Variants in RFC3 observed in about 807,000 individuals in gnomAD.
RFC3 encodes A1 38 kDa subunit.
Under a neutral mutation model 45.1 loss-of-function variants are expected in RFC3, and 41 were observed. The observed-to-expected ratio is 0.91, with a 90% CI of 0.71 to 1.18. The LOEUF (loss-of-function observed/expected upper bound fraction) is 1.18. Among genes scored for constraint, RFC3 ranks in the 50% most tolerant of loss-of-function variants. The probability of loss-of-function intolerance (pLI) is 0.00; values close to 1 mark genes in which losing one functional copy is unlikely to be tolerated. For synonymous variants in RFC3, 149 were observed against 144.0 expected (o/e 1.03, Z -0.25); for missense variants, 423 against 428.1 (o/e 0.99, Z 0.10).
intron 8 of RFC3, among the ~76,000 whole-genome samples, chr13:33,887,741 C>G (rs2082535392): frequency 6.6e-6 from 1 of 151,974 alleles, no homozygotes. Context: ...AGGTTTTCTT[C>G]TAGGGTTTTT....
At chr13:33,895,482 A>G (rs2082591917) in intron 8 of RFC3, among the ~76,000 whole-genome samples, 1 of 152,190 alleles carries the variant, frequency 6.6e-6, no homozygotes, top group African/African-American at 2.4e-5. Context: ...AGAAAGTCAA[A>G]AAACAATAGA....
the RFC3 span, among the ~76,000 whole-genome samples, chr13:33,974,111 C>T: frequency 3.5e-4 from 54 of 152,240 alleles, no homozygotes; most frequent in African/African-American, 1.3e-3. Context: ...GAAGAAGACA[C>T]TGATTTTTGG....
downstream of RFC3, among the ~76,000 whole-genome samples, chr13:33,840,218 A>G (rs1251422424): frequency 6.6e-6 from 1 of 152,150 alleles, no homozygotes; most frequent in African/African-American, 2.4e-5. Flanking sequence ...CTCTAAGACT[A>G]ATTACATCGT....
intron 8 of RFC3, among the ~76,000 whole-genome samples, chr13:33,937,594 C>G (rs775490363): frequency 1.3e-5 from 2 of 152,126 alleles, no homozygotes; most frequent in Non-Finnish European, 2.9e-5. Context: ...TTTTCCTGTA[C>G]TTTTTTGCTC....
intron 3 of RFC3, among the ~76,000 whole-genome samples, chr13:33,825,340 C>T (rs895731195): frequency 6.6e-6 from 1 of 152,180 alleles, no homozygotes; most frequent in South Asian, 2.1e-4. Flanking sequence ...GCAGACTTCT[C>T]TTTGTTTGTT....
chr13:33,948,102 C>T (rs1035881320), intron 8 of RFC3, among the ~76,000 whole-genome samples: 2 of 152,178 alleles, frequency 1.3e-5, no homozygotes, highest in African/African-American at 4.8e-5. Flanking sequence ...CATGGCAGCC[C>T]CTTCCATCAC....
At chr13:33,976,176 T>G in the RFC3 span, among the ~76,000 whole-genome samples, 1 of 152,120 alleles carries the variant, frequency 6.6e-6, no homozygotes. Flanking sequence ...GAAATAAAAA[T>G]TCACAAACTC....
At chr13:33,900,530 A>ACT (rs1555239232) in intron 8 of RFC3, among the ~76,000 whole-genome samples, 1 of 143,442 alleles carries the variant, frequency 7.0e-6, no homozygotes, top group Admixed American at 6.8e-5. Context: ...TATAGAAAAA[A>ACT]AAACGTATTA....
At chr13:33,891,040 G>T (rs1050427796) in intron 8 of RFC3, among the ~76,000 whole-genome samples, 1 of 152,088 alleles carries the variant, frequency 6.6e-6, no homozygotes, top group Non-Finnish European at 1.5e-5. Flanking sequence ...GGTGAAAAAG[G>T]TTATAATTTC....
chr13:33,926,427 T>G (rs182115599), intron 8 of RFC3, among the ~76,000 whole-genome samples: 131 of 152,202 alleles, frequency 8.6e-4, no homozygotes, highest in African/African-American at 2.7e-3. Flanking sequence ...TCGGTTGTAA[T>G]TGGAAATCCA....
chr13:33,956,632 A>T (rs1272109619), intron 8 of RFC3, among the ~76,000 whole-genome samples: 1 of 152,218 alleles, frequency 6.6e-6, no homozygotes, highest in African/African-American at 2.4e-5. Flanking sequence ...GAACTTCTGT[A>T]TCAAGAACAC....
Position 33,950,047 on chromosome 13 carries a change from T to TTCTCCC in RFC3, c.880-16035_880-16030dup, listed in dbSNP as rs1555244665. On this transcript the variant is annotated intron_variant, in intron 8 of 8. Coordinates refer to the RFC3 transcript ENST00000434425. ...GTCTCTCTCTGCTTTCTCTCTCTCT[T>TTCTCCC]TCTCCCTCTCTCTCTCTCTCGCTCT... 2.2e-5 allele frequency among the ~76,000 whole-genome samples: 3 copies of TTCTCCC among 133,752 alleles called. No homozygotes were observed. In the East Asian group the frequency reaches 6.7e-4, roughly 30 times the overall value. The allele number at this position is 133,752 out of a possible 152,430, so 87.7% of individuals were successfully genotyped here. A position where few individuals can be genotyped will look rare whatever the true frequency, so the allele number is the denominator to read the frequency against.
intron 8 of RFC3, among the ~76,000 whole-genome samples, chr13:33,843,626 A>G (rs2082215999): frequency 6.6e-6 from 1 of 152,180 alleles, no homozygotes; most frequent in Non-Finnish European, 1.5e-5. Context: ...TAGATTCTTC[A>G]CAGGCATTCT....
At chr13:33,920,206 G>A (rs1034556530) in intron 8 of RFC3, among the ~76,000 whole-genome samples, 9 of 152,026 alleles carry the variant, frequency 5.9e-5, no homozygotes, top group Admixed American at 2.0e-4. Context: ...GCAATGTTCC[G>A]GGACAAGCCT....
At chr13:33,968,997 G>A (rs900886113), downstream of RFC3, among the ~76,000 whole-genome samples, 3 of 152,188 alleles carry the variant, frequency 2.0e-5, no homozygotes, top group East Asian at 3.9e-4. Context: ...TTCACCCACC[G>A]TACAAATTTT....
chr13:33,888,925 T>C (rs988137221), intron 8 of RFC3, among the ~76,000 whole-genome samples: 2 of 152,106 alleles, frequency 1.3e-5, no homozygotes, highest in Non-Finnish European at 2.9e-5. Flanking sequence ...TTTGTATTTT[T>C]AGTAGAGACG....
At chr13:33,952,709 C>G (rs1045899843) in intron 8 of RFC3, among the ~76,000 whole-genome samples, 1 of 152,164 alleles carries the variant, frequency 6.6e-6, no homozygotes, top group African/African-American at 2.4e-5. Context: ...CCCTTTTCTC[C>G]AGCCTCCAAT....
intron 8 of RFC3, among the ~76,000 whole-genome samples, chr13:33,921,504 C>T (rs1000027154): frequency 2.0e-5 from 3 of 152,146 alleles, no homozygotes; most frequent in Non-Finnish European, 4.4e-5. Context: ...AGGGTCTCAA[C>T]CCCTGCATGA....
intron 8 of RFC3, among the ~76,000 whole-genome samples, chr13:33,897,598 G>A (rs1329766757): frequency 6.6e-6 from 1 of 151,930 alleles, no homozygotes; most frequent in Non-Finnish European, 1.5e-5. Context: ...TAAATAGAAT[G>A]AATTCTCCAA....
Sources: allele counts gnomAD v4.1 joint callset (sites outside exome capture counted in the v4.1 genomes callset), GRCh38; gene constraint gnomAD v4.1.1; transcripts MANE v1.5; gene names NCBI Gene and HGNC (gene_info 2026-07-23, HGNC 2026-07-21).